The following FAM120B variants were observed in gnomAD, a reference collection of about 807,000 sequenced individuals.
The protein encoded by FAM120B is constitutive coactivator of peroxisome proliferator-activated receptor gamma.
A neutral mutation model predicts 96.3 loss-of-function variants in FAM120B; 83 were observed. The observed-to-expected ratio is 0.86, with a 90% CI of 0.72 to 1.03. The LOEUF (loss-of-function observed/expected upper bound fraction) is 1.03, where lower values mean the gene tolerates loss of function less well. Ranked by LOEUF, FAM120B falls within the 50% of genes least tolerant of loss-of-function variation. The probability of loss-of-function intolerance (pLI) is 0.00; values close to 1 mark genes in which losing one functional copy is unlikely to be tolerated. For missense variants in FAM120B, 1,027 were observed against 1,121.2 expected (o/e 0.92, Z 1.20); for synonymous variants, 407 against 402.7 (o/e 1.01, Z -0.13).
At chr6:170,344,024 G>A (rs968225319) in intron 4 of FAM120B, among the ~76,000 whole-genome samples, 14 of 146,924 alleles carry the variant, frequency 9.5e-5, no homozygotes, top group African/African-American at 2.3e-4. Flanking sequence ...CACCTGCACC[G>A]TTGCCTGCGG....
intron 4 of FAM120B, among the ~76,000 whole-genome samples, chr6:170,338,821 T>C (rs1038677660): frequency 6.6e-6 from 1 of 151,846 alleles, no homozygotes; most frequent in Non-Finnish European, 1.5e-5. Flanking sequence ...GTGTGTAGTA[T>C]TAGAGACTAG....
chr6:170,316,503 A>G (rs1010227495), intron 1 of FAM120B, among the ~76,000 whole-genome samples: 3 of 152,220 alleles, frequency 2.0e-5, no homozygotes, highest in African/African-American at 7.2e-5. Context: ...AACGCCTTTT[A>G]TAATGTCATA....
At chr6:170,392,170 C>T (rs1291020320) in intron 8 of FAM120B, among the ~76,000 whole-genome samples, 2 of 152,186 alleles carry the variant, frequency 1.3e-5, no homozygotes, top group Non-Finnish European at 2.9e-5. Context: ...GTTTCCGTTT[C>T]AGGGTACCCT....
chr6:170,305,507 T>C (rs1181360889), upstream of FAM120B, among the ~76,000 whole-genome samples: 1 of 152,254 alleles, frequency 6.6e-6, no homozygotes, highest in Non-Finnish European at 1.5e-5. Flanking sequence ...CTAGAGATTC[T>C]GAAGAAAATC....
chr6:170,404,206 G>T, intron 9 of FAM120B: 1 of 226,254 alleles, frequency 4.4e-6, no homozygotes, highest in South Asian at 1.0e-4. Flanking sequence ...TTCTGTGTTG[G>T]CAGAACGTCC....
intron 9 of FAM120B, 132 bp downstream of exon 9, chr6:170,395,711 C>T (rs1790691697): frequency 1.6e-6 from 1 of 637,376 alleles, no homozygotes; most frequent in Non-Finnish European, 2.8e-6. Flanking sequence ...GATAAATATA[C>T]CAATGCATCT....
rs1562567446 is a variant in FAM120B at position 170,361,254 on chromosome 6, ACGTG to A, written c.2283+2937_2283+2940del. ...TATATATACACGTATATATATATAT[ACGTG>A]TATATATATAGTTACATACATATTA... On this transcript the variant is annotated intron_variant, in intron 6 of 10. Coordinates refer to ENST00000476287, the MANE Select transcript of FAM120B (RefSeq NM_032448.3). 7.3e-4 allele frequency among the ~76,000 whole-genome samples: 100 copies of A among 136,558 alleles called. 4 individuals carry two copies. In the East Asian group the frequency reaches 0.01, roughly 14 times the overall value. 89.6% of individuals were successfully genotyped at this position (136,558 alleles called of 152,430 possible). A position where few individuals can be genotyped will look rare whatever the true frequency, so the allele number is the denominator to read the frequency against.
chr6:170,403,244 A>T (rs774496574), intron 9 of FAM120B, among the ~76,000 whole-genome samples: 2 of 152,230 alleles, frequency 1.3e-5, no homozygotes, highest in Non-Finnish European at 2.9e-5. Context: ...ATGCACACAC[A>T]CTGCTCTCAT....
At chr6:170,302,374 CAT>C (rs1345796002), upstream of FAM120B, among the ~76,000 whole-genome samples, 11 of 152,196 alleles carry the variant, frequency 7.2e-5, no homozygotes, top group Non-Finnish European at 1.5e-4. Flanking sequence ...CTTCCCATGA[CAT>C]GTGGAGATTA....
intron 1 of FAM120B, among the ~76,000 whole-genome samples, chr6:170,315,752 C>T (rs1332822810): frequency 6.6e-6 from 1 of 152,024 alleles, no homozygotes; most frequent in African/African-American, 2.4e-5. Flanking sequence ...AAAGCATACC[C>T]TCAAATTCTA....
At chr6:170,362,692 T>C (rs1221644956) in intron 6 of FAM120B, among the ~76,000 whole-genome samples, 1 of 151,506 alleles carries the variant, frequency 6.6e-6, no homozygotes, top group Non-Finnish European at 1.5e-5. Context: ...TTCTTTTTTT[T>C]TTTTTTTGAG....
At chr6:170,306,911 CCGCGTCCGACCCTCGCG>C (rs2114988093) in intron 1 of FAM120B, 69 bp downstream of exon 1, 1 of 152,440 alleles carries the variant, frequency 6.6e-6, no homozygotes, top group African/African-American at 2.4e-5. Flanking sequence ...CGTCCGTTAC[CCGCGTCCGACCCTCGCG>C]CGCGTCAGCC....
intron 1 of FAM120B, among the ~76,000 whole-genome samples, chr6:170,315,698 T>C (rs569285305): frequency 6.6e-6 from 1 of 152,334 alleles, no homozygotes; most frequent in East Asian, 1.9e-4. Context: ...TTTTTGCATA[T>C]TTTCATTATG....
chr6:170,335,046 G>GTTTTTTTTTTTT (rs548519365), intron 4 of FAM120B, among the ~76,000 whole-genome samples: 1 of 134,036 alleles, frequency 7.5e-6, no homozygotes. Flanking sequence ...TTTTTTTTTT[G>GTTTTTTTTTTTT]TTTTTTTTTT....
chr6:170,352,665 C>CCCCTGAATGA (rs1787655634), intron 5 of FAM120B, among the ~76,000 whole-genome samples: 1 of 152,068 alleles, frequency 6.6e-6, no homozygotes, highest in African/African-American at 2.4e-5. Context: ...GAACAACCTG[C>CCCCTGAATGA]CCCTGAATGA....
At chr6:170,394,186 C>A (rs138125001) in intron 8 of FAM120B, among the ~76,000 whole-genome samples, 1 of 152,272 alleles carries the variant, frequency 6.6e-6, no homozygotes, top group Non-Finnish European at 1.5e-5. Flanking sequence ...GGGGGACTTT[C>A]AGTAGCTAGA....
intron 3 of FAM120B, among the ~76,000 whole-genome samples, chr6:170,325,640 A>AG (rs1785543458): frequency 6.6e-6 from 1 of 152,052 alleles, no homozygotes. Context: ...CAGGAGTTTG[A>AG]GACCAGCCTG....
intron 6 of FAM120B, among the ~76,000 whole-genome samples, chr6:170,386,727 G>A (rs1790206927): frequency 6.6e-6 from 1 of 152,194 alleles, no homozygotes; most frequent in Admixed American, 6.5e-5. Context: ...AGAAGAAGAA[G>A]GAAGGCTTTC....
chr6:170,381,746 A>G (rs1789912846), intron 6 of FAM120B, among the ~76,000 whole-genome samples: 1 of 152,148 alleles, frequency 6.6e-6, no homozygotes, highest in Non-Finnish European at 1.5e-5. Context: ...AAGAAAAGTC[A>G]CATGATCATA....
Sources: gnomAD v4.1 joint callset for allele counts (sites outside exome capture counted in the v4.1 genomes callset) on GRCh38, gnomAD v4.1.1 for gene constraint, MANE v1.5 for transcripts, NCBI Gene and HGNC (gene_info 2026-07-23, HGNC 2026-07-21) for gene names.